The following TRAF3 variants were observed in gnomAD, a reference collection of about 807,000 sequenced individuals.
TRAF3 encodes the protein TNF receptor-associated factor 3.
A neutral mutation model predicts 62.3 loss-of-function variants in TRAF3; 13 were observed. The ratio of observed to expected loss-of-function variants is 0.21; its 90% CI spans 0.14 to 0.33. The LOEUF is 0.33. TRAF3 is among the 10% of genes least tolerant of loss of function. The pLI is 1.00. For missense variants in TRAF3, 440 were observed against 741.8 expected, an observed-to-expected ratio of 0.59 and a Z score of 4.73; for synonymous variants, 269 against 283.4, an observed-to-expected ratio of 0.95 and a Z score of 0.51.
In TRAF3 at chr14:102,903,399, A is replaced by T. The variant is rs1254992985; in HGVS notation, c.1105A>T (p.Lys369Ter). 6.2e-7 allele frequency: 1 copy of T among 1,614,126 alleles called. No homozygotes were observed. Among genetic ancestry groups the T allele is most frequent in the Non-Finnish European group, 8.5e-7 (1 of 1,180,024 alleles). ...CGTGACCGAGCTGGAGAGCGTGGAC[A>T]AGAGCGCGGGGCAAGTGGCTCGGAA... Reference protein sequence around the residue: ...NRVTELESVDKSAGQVARNTG... With the variant: ...NRVTELESVD Residue 369 changes from lysine (K) to a stop codon, truncating the protein, a stop_gained, in exon 11 of 12, where the codon AAG becomes TAG. Transcript: ENST00000392745. LOFTEE classifies it high-confidence loss of function. The surrounding 1 kb of genome is among the most constrained non-coding windows in gnomAD (Gnocchi z 6.4).
intron 9 of TRAF3, among the ~76,000 whole-genome samples, chr14:102,896,879 C>T (rs1023148217): frequency 3.3e-5 from 5 of 152,150 alleles, no homozygotes; most frequent in Admixed American, 6.6e-5. Flanking sequence ...GCCTGGGCAA[C>T]ATAGCAAGAC....
At chr14:102,841,480 G>A (rs1338918776) in intron 2 of TRAF3, among the ~76,000 whole-genome samples, 1 of 152,222 alleles carries the variant, frequency 6.6e-6, no homozygotes, top group Non-Finnish European at 1.5e-5. Context: ...ATCTTTGTTA[G>A]CGTGGGTTCA....
chr14:102,830,149 A>G (rs1377043610), intron 1 of TRAF3, among the ~76,000 whole-genome samples, 185 bp from the exon 2 acceptor site: 1 of 152,208 alleles, frequency 6.6e-6, no homozygotes, highest in Non-Finnish European at 1.5e-5. Context: ...CTGGCCAGAC[A>G]CTGGGAGAAT....
intron 2 of TRAF3, among the ~76,000 whole-genome samples, chr14:102,869,595 A>G (rs1219668656): frequency 6.6e-6 from 1 of 152,004 alleles, no homozygotes; most frequent in Non-Finnish European, 1.5e-5. Context: ...TCACGAGGTC[A>G]GGAGATTGAG....
At chr14:102,842,927 G>A (rs1248825635) in intron 2 of TRAF3, among the ~76,000 whole-genome samples, 4 of 152,060 alleles carry the variant, frequency 2.6e-5, no homozygotes, top group African/African-American at 9.7e-5. Flanking sequence ...AAATTTTTAG[G>A]CCAGGCATGG....
intron 6 of TRAF3, among the ~76,000 whole-genome samples, chr14:102,885,981 C>G (rs1053384512): frequency 6.6e-6 from 1 of 152,220 alleles, no homozygotes; most frequent in African/African-American, 2.4e-5. Flanking sequence ...CTGGTCAGAT[C>G]TGACCAGATC....
In TRAF3 at chr14:102,870,180, G is replaced by T; in HGVS notation, c.-17-5G>T. On this transcript the variant is annotated splice_polypyrimidine_tract_variant and splice_region_variant and intron_variant, in intron 2 of 11. Coordinates refer to ENST00000392745, the MANE Select transcript of TRAF3 (RefSeq NM_145725.3). ...TGATGGCACTCTACTGTTTTTTCCC[G>T]ACAGAACTCCTCTTTCCTAAAATGG... The T allele has an allele frequency of 1.2e-6, 2 of 1,613,854 alleles. No individual in the cohort carries two copies. The highest frequency in any genetic ancestry group is 2.2e-5 in the South Asian group (2 of 90,990).
At chr14:102,813,791 G>A (rs949998474) in intron 1 of TRAF3, among the ~76,000 whole-genome samples, 2 of 151,502 alleles carry the variant, frequency 1.3e-5, no homozygotes, top group African/African-American at 2.4e-5. Context: ...TTTTGCTGTT[G>A]AGATGTGTGA....
chr14:102,900,420 G>A (rs1168015704), intron 10 of TRAF3, among the ~76,000 whole-genome samples: 1 of 152,236 alleles, frequency 6.6e-6, no homozygotes, highest in Non-Finnish European at 1.5e-5. Flanking sequence ...AGAATCACTT[G>A]AACCCAGGCG....
At chr14:102,824,104 T>C (rs774699515) in intron 1 of TRAF3, among the ~76,000 whole-genome samples, 6 of 152,268 alleles carry the variant, frequency 3.9e-5, no homozygotes, top group Non-Finnish European at 5.9e-5. Context: ...GTCATTTCTC[T>C]TGGGAATATA....
chr14:102,801,033 G>A (rs1300948899), intron 1 of TRAF3, among the ~76,000 whole-genome samples: 2 of 152,108 alleles, frequency 1.3e-5, no homozygotes, highest in Admixed American at 6.5e-5. Flanking sequence ...GGGCGCAGTG[G>A]CGGGCGCCTG....
chr14:102,827,781 T>C (rs1029123128), intron 1 of TRAF3, among the ~76,000 whole-genome samples: 2 of 152,280 alleles, frequency 1.3e-5, no homozygotes, highest in Non-Finnish European at 2.9e-5. Flanking sequence ...GATTTGGTTC[T>C]ATGGTCAGTG....
At chr14:102,855,888 T>G (rs1595366029) in intron 2 of TRAF3, among the ~76,000 whole-genome samples, 1 of 151,938 alleles carries the variant, frequency 6.6e-6, no homozygotes, top group East Asian at 1.9e-4. Context: ...GCCCAGGAGT[T>G]TGAGAACAAC....
intron 1 of TRAF3, among the ~76,000 whole-genome samples, chr14:102,783,829 G>T (rs1897363558): frequency 6.6e-6 from 1 of 152,228 alleles, no homozygotes; most frequent in African/African-American, 2.4e-5. Flanking sequence ...GAATGACCTT[G>T]GGCAGGCTGC....
chr14:102,795,598 A>ATGTGTGTGTGTG (rs58263343), intron 1 of TRAF3, among the ~76,000 whole-genome samples: 3,879 of 149,258 alleles, frequency 0.026, 109 homozygotes, highest in African/African-American at 0.063. Context: ...ATATGTATAT[A>ATGTGTGTGTGTG]TGTGTGTGTG....
chr14:102,868,581 C>G (rs1234642227), intron 2 of TRAF3, among the ~76,000 whole-genome samples: 3 of 152,206 alleles, frequency 2.0e-5, no homozygotes, highest in Non-Finnish European at 4.4e-5. Context: ...ACACGCTGAC[C>G]TAAACACTGG....
intron 1 of TRAF3, among the ~76,000 whole-genome samples, chr14:102,824,772 A>G (rs1228485072): frequency 6.6e-6 from 1 of 152,258 alleles, no homozygotes; most frequent in African/African-American, 2.4e-5. Flanking sequence ...AGGATTTGCC[A>G]TGGTCATTCT....
intron 1 of TRAF3, among the ~76,000 whole-genome samples, chr14:102,824,053 C>T (rs555678695): frequency 5.9e-5 from 9 of 152,276 alleles, no homozygotes; most frequent in South Asian, 4.1e-4. Context: ...TGTGTGATAG[C>T]GCTGCTGTGA....
At position 102,853,649 on chromosome 14, in the gene TRAF3, A is replaced by G. The variant is rs537447493; in HGVS notation, c.-17-16536A>G. ...CAAGAGTTCGAGACCAGCCTCGCCA[A>G]CATGGTGAAACCCCCATCTCTACTA... is the stretch of plus-strand genomic sequence containing the variant. On this transcript the variant is annotated intron_variant, in intron 2 of 11. Coordinates refer to ENST00000392745, the MANE Select transcript of TRAF3 (RefSeq NM_145725.3). Among the ~76,000 whole-genome samples the G allele has an allele frequency of 1.8e-4, 27 of 152,114 alleles. No homozygotes were observed. The South Asian group carries it at 5.6e-3, about 32-fold the overall frequency.
Sources: allele counts gnomAD v4.1 joint callset (sites outside exome capture counted in the v4.1 genomes callset), GRCh38; gene constraint gnomAD v4.1.1; non-coding constraint Gnocchi (gnomAD v3.1); transcripts MANE v1.5; gene names NCBI Gene and HGNC (gene_info 2026-07-23, HGNC 2026-07-21).